Variants in SYNE2 observed in about 807,000 individuals in gnomAD.
The protein encoded by SYNE2 is spectrin repeat containing nuclear envelope protein 2.
A neutral mutation model predicts 856.3 loss-of-function variants in SYNE2; 431 were observed. The observed-to-expected ratio is 0.50, with a 90% CI of 0.47 to 0.55. The LOEUF (loss-of-function observed/expected upper bound fraction) is 0.55. SYNE2 is among the 20% of genes least tolerant of loss of function. The pLI is 0.00. For synonymous variants in SYNE2, 2,923 were observed against 2,872.3 expected (o/e 1.02, Z -0.56); for missense variants, 8,129 against 8,023.2 (o/e 1.01, Z -0.50).
At chr14:63,856,454 C>T (rs1361482159) in intron 1 of SYNE2, among the ~76,000 whole-genome samples, 2 of 152,194 alleles carry the variant, frequency 1.3e-5, no homozygotes, top group Non-Finnish European at 2.9e-5. Context: ...CAAGCTATTG[C>T]AGTATACACA....
At chr14:64,022,333 G>T (rs939196918) in intron 37 of SYNE2, among the ~76,000 whole-genome samples, 9 of 152,186 alleles carry the variant, frequency 5.9e-5, no homozygotes, top group Non-Finnish European at 1.2e-4. Flanking sequence ...AGCGGTCCAG[G>T]CAGTGTCTTT....
intron 114 of SYNE2, among the ~76,000 whole-genome samples, 186 bp downstream of exon 114, chr14:64,224,733 G>T (rs1271780181): frequency 6.6e-6 from 1 of 152,148 alleles, no homozygotes; most frequent in Non-Finnish European, 1.5e-5. Flanking sequence ...GGTTGTGAAT[G>T]AGAGCTCTTA....
chr14:64,145,473 A>G (rs1484110439), intron 83 of SYNE2, among the ~76,000 whole-genome samples: 1 of 147,208 alleles, frequency 6.8e-6, no homozygotes, highest in African/African-American at 2.5e-5. Context: ...GCACCATTGC[A>G]CTCCAGCCTG....
intron 2 of SYNE2, among the ~76,000 whole-genome samples, chr14:63,937,549 G>A (rs2095848875): frequency 6.6e-6 from 1 of 152,156 alleles, no homozygotes; most frequent in Non-Finnish European, 1.5e-5. Context: ...TGGGTGGGAA[G>A]CAAGGTTTCA....
intron 96 of SYNE2, among the ~76,000 whole-genome samples, chr14:64,181,381 AAC>A (rs746903906): frequency 6.6e-6 from 1 of 152,230 alleles, no homozygotes; most frequent in Non-Finnish European, 1.5e-5. Flanking sequence ...TCTCAGCTGA[AAC>A]ACAGAGTTTC....
At chr14:64,106,388 G>A (rs1260922144) in intron 64 of SYNE2, among the ~76,000 whole-genome samples, 2 of 152,068 alleles carry the variant, frequency 1.3e-5, no homozygotes, top group Non-Finnish European at 1.5e-5. Flanking sequence ...GGTGGCTCAC[G>A]CCTGTAATCC....
At chr14:63,899,765 G>A (rs1030188402) in intron 1 of SYNE2, among the ~76,000 whole-genome samples, 9 of 152,196 alleles carry the variant, frequency 5.9e-5, no homozygotes, top group African/African-American at 2.2e-4. Context: ...GCTTCCCACA[G>A]TGCTGGGATT....
rs759525460 is a variant in SYNE2 at position 64,052,459 on chromosome 14, T to C, written c.8546T>C (p.Met2849Thr). Residue 2849 changes from methionine to threonine, a missense_variant, in exon 48 of 116, where the codon ATG becomes ACG. Met to Thr is a moderately conservative substitution (Grantham distance 81). Transcript: ENST00000555002. ...GCTATAATAAGGAAGTTTCAACTTA[T>C]GGTTCAAGAAAGTGAAACACTGATA... is the stretch of plus-strand genomic sequence containing the variant. ...FFAIIRKFQL[M>T]VQESETLIIP... 17 of 1,612,942 alleles carry C rather than the reference T, an allele frequency of 1.1e-5. No homozygotes were observed. The highest frequency in any genetic ancestry group is 9.4e-5 in the African/African-American group (7 of 74,796).
chr14:64,218,060 G>A (rs923387558), intron 108 of SYNE2, among the ~76,000 whole-genome samples: 27 of 152,206 alleles, frequency 1.8e-4, no homozygotes, highest in African/African-American at 6.0e-4. Flanking sequence ...CGCAGTAACC[G>A]TCTGGTAAGC....
chr14:64,170,947 ATAACT>A (rs1240526893), intron 94 of SYNE2, among the ~76,000 whole-genome samples: 17 of 152,318 alleles, frequency 1.1e-4, no homozygotes, highest in Non-Finnish European at 1.9e-4. Flanking sequence ...ATATTTTTAA[ATAACT>A]TAAGGAGTGT....
chr14:64,147,024 A>G lies in SYNE2; in HGVS notation c.15639+801A>G, dbSNP rs542855525. ...TACTGTTCCCACCTCCCAATGAGCCATCTCCACTTTAGCCTTCTGACAGCC... is the reference window on the plus strand; with the variant it reads ...TACTGTTCCCACCTCCCAATGAGCCGTCTCCACTTTAGCCTTCTGACAGCC... On this transcript the variant is annotated intron_variant, in intron 84 of 115. Coordinates refer to ENST00000555002, the MANE Select transcript of SYNE2 (RefSeq NM_182914.3). 1.8e-4 allele frequency among the ~76,000 whole-genome samples: 28 copies of G among 152,282 alleles called. No homozygotes were observed. The South Asian group carries it at 5.8e-3, about 32-fold the overall frequency.
intron 1 of SYNE2, among the ~76,000 whole-genome samples, chr14:63,875,386 A>G (rs2094691488): frequency 6.6e-6 from 1 of 152,234 alleles, no homozygotes; most frequent in Admixed American, 6.5e-5. Context: ...TTGTGAGTAA[A>G]GGTGATTCCC....
Position 64,001,816 on chromosome 14 carries a change from G to T in SYNE2, c.3639-118G>T, listed in dbSNP as rs532496783. 1.1e-4 allele frequency: 123 copies of T among 1,114,912 alleles called. No individual in the cohort carries two copies. The African/African-American group carries it at 1.6e-3, about 15-fold the overall frequency. 69.1% of individuals were successfully genotyped at this position (1,114,912 alleles called of 1,614,324 possible). ...TGATAATGTGTATGTATATATCATTGTATGTCTGTTTATTGGATAATTATT... is the reference window on the plus strand; with the variant it reads ...TGATAATGTGTATGTATATATCATTTTATGTCTGTTTATTGGATAATTATT... On this transcript the variant is annotated intron_variant, in intron 28 of 115. Coordinates refer to ENST00000555002, the MANE Select transcript of SYNE2 (RefSeq NM_182914.3).
intron 1 of SYNE2, among the ~76,000 whole-genome samples, chr14:63,801,475 C>T (rs927959431): frequency 2.0e-5 from 3 of 152,060 alleles, no homozygotes; most frequent in Non-Finnish European, 2.9e-5. Context: ...AGTTCGAGAC[C>T]TCGAGACCAG....
chr14:64,202,760 T>G (rs774070110), intron 99 of SYNE2, 41 bp from the exon 100 acceptor site: 5 of 1,605,674 alleles, frequency 3.1e-6, no homozygotes, highest in Non-Finnish European at 4.3e-6. Context: ...CCATCACTGG[T>G]TTTTTTTTGT....
At chr14:63,788,040 G>C (rs1353952374) in intron 1 of SYNE2, among the ~76,000 whole-genome samples, 2 of 152,150 alleles carry the variant, frequency 1.3e-5, no homozygotes, top group Non-Finnish European at 2.9e-5. Context: ...CACGCTCGTG[G>C]GTGCCCAAAT....
intron 2 of SYNE2, among the ~76,000 whole-genome samples, chr14:63,916,647 A>G (rs1335654986): frequency 1.3e-5 from 2 of 152,192 alleles, no homozygotes; most frequent in African/African-American, 4.8e-5. Context: ...TGATTTCTTT[A>G]GGCTTCAGGC....
intron 61 of SYNE2, among the ~76,000 whole-genome samples, chr14:64,096,207 A>G (rs1475396678): frequency 6.6e-6 from 1 of 152,228 alleles, no homozygotes; most frequent in Non-Finnish European, 1.5e-5. Flanking sequence ...ACATATTTTT[A>G]TCAAGGACAT....
At chr14:63,900,910 T>C (rs996819511) in intron 1 of SYNE2, among the ~76,000 whole-genome samples, 1 of 152,198 alleles carries the variant, frequency 6.6e-6, no homozygotes, top group African/African-American at 2.4e-5. Flanking sequence ...AAGGAGAAGA[T>C]CCTTCCACAT....
Sources: gnomAD v4.1 joint callset for allele counts (sites outside exome capture counted in the v4.1 genomes callset) on GRCh38, gnomAD v4.1.1 for gene constraint, MANE v1.5 for transcripts, NCBI Gene and HGNC (gene_info 2026-07-23, HGNC 2026-07-21) for gene names.